FGF14: variants seen among roughly 807,000 people sequenced by gnomAD.
The protein encoded by FGF14 is fibroblast growth factor homologous factor 4.
Under a neutral mutation model 25.5 loss-of-function variants are expected in FGF14, and 5 were observed. The observed-to-expected ratio is 0.20, with a 90% CI of 0.10 to 0.41. FGF14 has a LOEUF of 0.41. FGF14 is among the 10% of genes least tolerant of loss of function. The probability of loss-of-function intolerance (pLI) is 1.00; values close to 1 mark genes in which losing one functional copy is unlikely to be tolerated. For synonymous variants in FGF14, 138 were observed against 118.3 expected (o/e 1.17, Z -1.08); for missense variants, 222 against 320.1 (o/e 0.69, Z 2.34).
intron 3 of FGF14, among the ~76,000 whole-genome samples, chr13:101,768,511 C>A (rs1344622820): frequency 6.6e-6 from 1 of 152,026 alleles, no homozygotes; most frequent in Non-Finnish European, 1.5e-5. Context: ...AGAATATCCA[C>A]CACAATATTG....
At chr13:102,144,780 A>C (rs1307564477) in intron 1 of FGF14, among the ~76,000 whole-genome samples, 1 of 152,206 alleles carries the variant, frequency 6.6e-6, no homozygotes, top group Non-Finnish European at 1.5e-5. Context: ...GATGCCATGC[A>C]ACACAAAGCT....
chr13:102,371,301 A>G (rs1686655004), intron 1 of FGF14, among the ~76,000 whole-genome samples: 1 of 152,088 alleles, frequency 6.6e-6, no homozygotes, highest in Non-Finnish European at 1.5e-5. Flanking sequence ...GCCCCTCCCC[A>G]TGCCATCTTC....
intron 1 of FGF14, among the ~76,000 whole-genome samples, chr13:102,197,008 G>A (rs1461311243): frequency 2.0e-5 from 3 of 150,928 alleles, no homozygotes; most frequent in Admixed American, 2.0e-4. Context: ...ATGGACTCTA[G>A]TGGTCTCAAT....
chr13:102,275,076 C>CAGAATCTTAGCAT (rs2053443080), intron 1 of FGF14, among the ~76,000 whole-genome samples: 1 of 151,910 alleles, frequency 6.6e-6, no homozygotes, highest in Admixed American at 6.6e-5. Context: ...AATCTTAGCA[C>CAGAATCTTAGCAT]ATATTTGAAG....
intron 3 of FGF14, among the ~76,000 whole-genome samples, chr13:101,862,701 A>T (rs896111783): frequency 6.6e-6 from 1 of 152,088 alleles, no homozygotes; most frequent in Non-Finnish European, 1.5e-5. Flanking sequence ...CTGGATGTTG[A>T]AATTAGCATT....
chr13:101,955,582 T>C (rs774010671), intron 1 of FGF14, among the ~76,000 whole-genome samples: 80 of 152,248 alleles, frequency 5.3e-4, no homozygotes, highest in Non-Finnish European at 9.7e-4. Context: ...AAGTTATAGA[T>C]GACAGCATTG....
intron 1 of FGF14, among the ~76,000 whole-genome samples, chr13:102,258,980 T>C (rs945385990): frequency 2.0e-5 from 3 of 152,190 alleles, no homozygotes; most frequent in Admixed American, 2.0e-4. Context: ...GTATGTGTAT[T>C]TTTTCTAGAG....
At chr13:102,052,167 C>G (rs1377884053) in intron 1 of FGF14, among the ~76,000 whole-genome samples, 1 of 151,820 alleles carries the variant, frequency 6.6e-6, no homozygotes, top group Admixed American at 6.6e-5. Context: ...GAGATAATAT[C>G]TATATACTCA....
At chr13:101,968,160 A>G (rs115498320) in intron 1 of FGF14, among the ~76,000 whole-genome samples, 2,837 of 152,350 alleles carry the variant, frequency 0.019, 82 homozygotes, top group African/African-American at 0.063. Flanking sequence ...AAGTGCAGTT[A>G]TAAGTAGATA....
chr13:102,181,229 G>A (rs1191484187), intron 1 of FGF14, among the ~76,000 whole-genome samples: 1 of 152,110 alleles, frequency 6.6e-6, no homozygotes, highest in African/African-American at 2.4e-5. Flanking sequence ...AAATGCAGTA[G>A]GCAGAATAAC....
In FGF14 at chr13:102,054,911, G is replaced by A. The variant is rs376806182; in HGVS notation, c.209-179615C>T. 5.3e-5 allele frequency among the ~76,000 whole-genome samples: 8 copies of A among 152,082 alleles called. No individual in the cohort carries two copies. In the South Asian group the frequency reaches 1.5e-3, roughly 28 times the overall value. ...AGAATCCTCTGAAACTATCACTCCC[G>A]CTTTCTGTTCCCACAGCCATGCCTT... On this transcript the variant is annotated intron_variant, in intron 1 of 4. Transcript: ENST00000376131.
rs74987272 is a variant in FGF14 at position 102,108,596 on chromosome 13, T to C, written c.209-233300A>G. On this transcript the variant is annotated intron_variant, in intron 1 of 4. Transcript: ENST00000376131. ...TCTCCCCAAAGGTTAGGTGTATATTTAAACCTATGTGTATATACAGGTGGA... is the reference window on the plus strand; with the variant it reads ...TCTCCCCAAAGGTTAGGTGTATATTCAAACCTATGTGTATATACAGGTGGA... Among the ~76,000 whole-genome samples the C allele has an allele frequency of 8.3e-4, 126 of 152,374 alleles. 4 individuals are homozygous for C. In the East Asian group the frequency reaches 0.022, roughly 26 times the overall value.
At chr13:102,259,880 G>GA (rs2052634226) in intron 1 of FGF14, among the ~76,000 whole-genome samples, 2 of 152,022 alleles carry the variant, frequency 1.3e-5, no homozygotes, top group Non-Finnish European at 2.9e-5. Context: ...CTTTGCTCTG[G>GA]AAAAAAGCAG....
chr13:101,763,717 A>G (rs1232801947), intron 3 of FGF14, among the ~76,000 whole-genome samples: 2 of 152,090 alleles, frequency 1.3e-5, no homozygotes, highest in Non-Finnish European at 2.9e-5. Flanking sequence ...AAAACTAGCC[A>G]GGTGTGGTGA....
Position 102,232,697 on chromosome 13 carries a change from A to G in FGF14, c.208+168774T>C, listed in dbSNP as rs908010292. On this transcript the variant is annotated intron_variant, in intron 1 of 4. Coordinates refer to the FGF14 transcript ENST00000376131. The stretch of plus-strand genomic sequence containing the variant: ...ATTTTAACATATATTTTGACACAAA[A>G]ATAAACACGATGTAAATCGTTGTAG... Among the ~76,000 whole-genome samples the G allele has an allele frequency of 2.6e-5, 4 of 152,316 alleles. No individual in the cohort carries two copies. In the South Asian group the frequency reaches 8.3e-4, roughly 32 times the overall value.
intron 1 of FGF14, among the ~76,000 whole-genome samples, chr13:102,041,595 A>AAAAAAAG (rs1175485223): frequency 1.3e-5 from 2 of 149,850 alleles, no homozygotes; most frequent in African/African-American, 4.9e-5. Flanking sequence ...AAAAAAAAAA[A>AAAAAAAG]AGAGAGATTT....
In FGF14 at chr13:102,056,926, T is replaced by A. The variant is rs371075621; in HGVS notation, c.209-181630A>T. On this transcript the variant is annotated intron_variant, in intron 1 of 4. Coordinates refer to the FGF14 transcript ENST00000376131. ...ATTTTAGAAAAGTAATGATTTAGTA[T>A]ATTATATAAATAATTTGTTTTTCAA... 1.1e-4 allele frequency among the ~76,000 whole-genome samples: 16 copies of A among 151,488 alleles called. No homozygotes were observed. The East Asian group carries it at 1.7e-3, about 16-fold the overall frequency.
At chr13:101,904,738 T>C (rs1311623991) in intron 1 of FGF14, among the ~76,000 whole-genome samples, 1 of 152,190 alleles carries the variant, frequency 6.6e-6, no homozygotes, top group Non-Finnish European at 1.5e-5. Flanking sequence ...CACTTGACTA[T>C]ACAACCATGC....
rs144810597 is a variant in FGF14, at chr13:101,830,077, T to G, written c.408+38648A>C. On this transcript the variant is annotated intron_variant, in intron 3 of 4. Coordinates refer to ENST00000376143, the MANE Select transcript of FGF14 (RefSeq NM_004115.4). ...TGAATCTCCTGAAGTATTAGTTATC[T>G]TGCATGTAAAATGTATGTAACAGGA... 1.7e-3 allele frequency among the ~76,000 whole-genome samples: 263 copies of G among 152,194 alleles called. 2 individuals carry two copies. Among genetic ancestry groups the G allele is most frequent in the African/African-American group, 5.8e-3 (242 of 41,558 alleles).
Sources: allele counts gnomAD v4.1 joint callset (sites outside exome capture counted in the v4.1 genomes callset), GRCh38; gene constraint gnomAD v4.1.1; transcripts MANE v1.5; gene names NCBI Gene and HGNC (gene_info 2026-07-23, HGNC 2026-07-21).